KIRREL1: variants seen among roughly 807,000 people sequenced by gnomAD.
The protein encoded by KIRREL1 is kin of IRRE-like protein 1.
Under a neutral mutation model 83.3 loss-of-function variants are expected in KIRREL1, and 25 were observed. The observed-to-expected ratio is 0.30, with a 90% CI of 0.22 to 0.42. The LOEUF is 0.42. KIRREL1 is among the 10% of genes least tolerant of loss of function. KIRREL1 has a pLI of 1.00. For missense variants in KIRREL1, 812 were observed against 1,032.3 expected, an observed-to-expected ratio of 0.79 and a Z score of 2.92; for synonymous variants, 388 against 410.4, an observed-to-expected ratio of 0.95 and a Z score of 0.66.
intron 1 of KIRREL1, among the ~76,000 whole-genome samples, chr1:158,049,530 C>G (rs184079498): frequency 2.0e-5 from 3 of 152,320 alleles, no homozygotes; most frequent in Non-Finnish European, 4.4e-5. Context: ...CGAATTTGAA[C>G]TTCATCTGAA....
chr1:158,063,586 C>G (rs1661275055), intron 1 of KIRREL1, among the ~76,000 whole-genome samples: 1 of 152,204 alleles, frequency 6.6e-6, no homozygotes, highest in South Asian at 2.1e-4. Context: ...TCCAGCTTGC[C>G]CATCCCATCA....
At position 158,088,041 on chromosome 1, in the gene KIRREL1, A is replaced by G. The variant is rs1267182141; in HGVS notation, c.803A>G (p.His268Arg). 6.2e-7 allele frequency: 1 copy of G among 1,614,208 alleles called. No individual in the cohort carries two copies. Residue 268 changes from histidine to arginine, a missense_variant, in exon 7 of 15, where the codon CAC becomes CGC. By Grantham distance (29) the His-to-Arg change is conservative. Around this residue, in one of 3 missense-constraint regions of KIRREL1, gnomAD observed 472 missense variants for 626.8 expected, o/e 0.75. Coordinates refer to ENST00000359209, the MANE Select transcript of KIRREL1 (RefSeq NM_018240.7). ...AKGGFLIEDAHESRYETNVDY... is the reference protein window; with the variant it reads ...AKGGFLIEDARESRYETNVDY... ...GGGGGTTTCTTGATTGAAGACGCCC[A>G]CGAGAGTCGCTATGAGACAAATGTG...
At chr1:158,022,413 G>A (rs900359481) in intron 1 of KIRREL1, among the ~76,000 whole-genome samples, 2 of 152,172 alleles carry the variant, frequency 1.3e-5, no homozygotes, top group Non-Finnish European at 2.9e-5. Flanking sequence ...GATCAGAGAA[G>A]GGATGCAAAC....
At position 158,095,346 on chromosome 1, in the gene KIRREL1, G is replaced by T; in HGVS notation, c.*226G>T. Reference sequence around the variant, plus strand: ...GCCCTTCCCTCTTCTTCGGGAGGATGTGTCTCTTCTGACCTGCACTCTTGC... The same window carrying T: ...GCCCTTCCCTCTTCTTCGGGAGGATTTGTCTCTTCTGACCTGCACTCTTGC... On this transcript the variant is annotated 3_prime_UTR_variant, in exon 15 of 15. Transcript: ENST00000359209. The T allele has an allele frequency of 1.9e-6, 1 of 526,618 alleles. No homozygotes were observed. Among genetic ancestry groups the T allele is most frequent in the African/African-American group, 1.9e-5 (1 of 52,564 alleles). The allele number at this position is 526,618 out of a possible 1,614,324, so 32.6% of individuals were successfully genotyped here. A position where few individuals can be genotyped will look rare whatever the true frequency, so the allele number is the denominator to read the frequency against.
chr1:158,057,780 A>G (rs1308680685), intron 1 of KIRREL1, among the ~76,000 whole-genome samples: 1 of 152,138 alleles, frequency 6.6e-6, no homozygotes, highest in African/African-American at 2.4e-5. Context: ...AATAATATTA[A>G]TTTCCAAGAG....
chr1:158,022,909 T>C (rs903367390), intron 1 of KIRREL1, among the ~76,000 whole-genome samples: 14 of 152,260 alleles, frequency 9.2e-5, no homozygotes, highest in Non-Finnish European at 1.3e-4. Context: ...TCAGTCTGGG[T>C]GCAAATGAAG....
At position 158,097,851 on chromosome 1, in the gene KIRREL1, G is replaced by A. The variant is rs1662392650; in HGVS notation, c.*2731G>A. On this transcript the variant is annotated 3_prime_UTR_variant, in exon 15 of 15. Transcript: ENST00000359209. Reference sequence around the variant, plus strand: ...TAAAGGTCAGGAGACCCAGGACCCAGTCCTGAAGCTGCAAAGGTTAGATCT... The same window carrying A: ...TAAAGGTCAGGAGACCCAGGACCCAATCCTGAAGCTGCAAAGGTTAGATCT... 1.3e-5 allele frequency: 2 copies of A among 152,262 alleles called. No homozygotes were observed. The highest frequency in any genetic ancestry group is 4.8e-5 in the African/African-American group (2 of 41,464). 9.4% of individuals were successfully genotyped at this position (152,262 alleles called of 1,614,324 possible). A position where few individuals can be genotyped will look rare whatever the true frequency, so the allele number is the denominator to read the frequency against.
At chr1:158,000,523 T>C (rs1287275286) in intron 1 of KIRREL1, among the ~76,000 whole-genome samples, 2 of 152,238 alleles carry the variant, frequency 1.3e-5, no homozygotes, top group South Asian at 2.1e-4. Context: ...TATACCTTCC[T>C]ACGTCTGATT....
chr1:158,097,433 G>T lies in KIRREL1; in HGVS notation c.*2313G>T. On this transcript the variant is annotated 3_prime_UTR_variant, in exon 15 of 15. Coordinates refer to ENST00000359209, the MANE Select transcript of KIRREL1 (RefSeq NM_018240.7). ...CTGAAATGATGGAGAGAGGGCCTAA[G>T]GTTACTAGGTAATTGAGCTGATGGT... 1 of 249,494 alleles carries T rather than the reference G, an allele frequency of 4.0e-6. No individual in the cohort carries two copies. Among genetic ancestry groups the T allele is most frequent in the Non-Finnish European group, 7.8e-6 (1 of 128,468 alleles). 15.5% of individuals were successfully genotyped at this position (249,494 alleles called of 1,614,324 possible). A position where few individuals can be genotyped will look rare whatever the true frequency, so the allele number is the denominator to read the frequency against.
chr1:158,002,563 G>A (rs911299635), intron 1 of KIRREL1, among the ~76,000 whole-genome samples: 8 of 152,230 alleles, frequency 5.3e-5, no homozygotes, highest in African/African-American at 1.9e-4. Flanking sequence ...AAATGGCTGT[G>A]CTGGGCCTAG....
In KIRREL1 at chr1:158,089,421, G is replaced by A. The variant is rs755328467; in HGVS notation, c.1045-81G>A. The A allele has an allele frequency of 1.9e-5, 30 of 1,581,508 alleles. No homozygotes were observed. In the Admixed American group the frequency reaches 2.3e-4, roughly 12 times the overall value. On this transcript the variant is annotated intron_variant, in intron 8 of 14. Coordinates refer to ENST00000359209, the MANE Select transcript of KIRREL1 (RefSeq NM_018240.7). ...TTGTGGCCCTTCCTGCTTTCTTTCC[G>A]ATGCCTCCGATGTGGGGCCCTCATG...
chr1:158,043,435 G>A (rs902008786), intron 1 of KIRREL1, among the ~76,000 whole-genome samples: 1 of 152,146 alleles, frequency 6.6e-6, no homozygotes, highest in African/African-American at 2.4e-5. Context: ...CCAACCTGTG[G>A]CCTCCACCCC....
chr1:158,029,237 C>T (rs1660250821), intron 1 of KIRREL1, among the ~76,000 whole-genome samples: 1 of 151,832 alleles, frequency 6.6e-6, no homozygotes, highest in Non-Finnish European at 1.5e-5. Context: ...GAAGGAATAA[C>T]TCTTGCCAAG....
Position 158,030,422 on chromosome 1 carries a change from T to A in KIRREL1, c.52+36694T>A, listed in dbSNP as rs188662832. ...TTTATATCATCACCAGGGTTTTAGCTCTATAGGACTTCTCTGGAGAGCAGT... is the reference window on the plus strand; with the variant it reads ...TTTATATCATCACCAGGGTTTTAGCACTATAGGACTTCTCTGGAGAGCAGT... On this transcript the variant is annotated intron_variant, in intron 1 of 14. Transcript: ENST00000359209. Among the ~76,000 whole-genome samples the A allele has an allele frequency of 2.0e-5, 3 of 152,350 alleles. No homozygotes were observed. The East Asian group carries it at 5.8e-4, about 29-fold the overall frequency.
intron 3 of KIRREL1, among the ~76,000 whole-genome samples, chr1:158,084,174 G>A (rs928222510): frequency 1.3e-5 from 2 of 152,080 alleles, no homozygotes; most frequent in Admixed American, 6.6e-5. Flanking sequence ...GGGGCATGGA[G>A]TACCAGAAAA....
At chr1:158,052,252 C>T (rs991590261) in intron 1 of KIRREL1, among the ~76,000 whole-genome samples, 1 of 152,154 alleles carries the variant, frequency 6.6e-6, no homozygotes, top group East Asian at 1.9e-4. Context: ...GCCCCTGAGC[C>T]CTTGCTAACA....
intron 1 of KIRREL1, among the ~76,000 whole-genome samples, chr1:158,038,327 C>A (rs1288219208): frequency 6.6e-6 from 1 of 152,136 alleles, no homozygotes; most frequent in Non-Finnish European, 1.5e-5. Context: ...GCTCTCACAG[C>A]TGCAGGGGGT....
rs1457017652 is a variant in KIRREL1 at position 157,993,735 on chromosome 1, GC to G, written c.52+12del. 6.1e-6 allele frequency: 9 copies of G among 1,487,378 alleles called. No homozygotes were observed. Among genetic ancestry groups the G allele is most frequent in the South Asian group, 2.6e-5 (2 of 77,368 alleles). 92.1% of individuals were successfully genotyped at this position (1,487,378 alleles called of 1,614,324 possible). A position where few individuals can be genotyped will look rare whatever the true frequency, so the allele number is the denominator to read the frequency against. Reference sequence around the variant, plus strand: ...TCCGATACTTTCTCCCAAGGTAAGGGCCCCCAGCCCACCCCCGGACGCTCGG... The same window carrying G: ...TCCGATACTTTCTCCCAAGGTAAGGGCCCCAGCCCACCCCCGGACGCTCGG... On this transcript the variant is annotated splice_region_variant and intron_variant, in intron 1 of 14. Coordinates refer to ENST00000359209, the MANE Select transcript of KIRREL1 (RefSeq NM_018240.7).
chr1:158,011,760 G>A (rs1225392226), intron 1 of KIRREL1, among the ~76,000 whole-genome samples: 1 of 152,142 alleles, frequency 6.6e-6, no homozygotes, highest in African/African-American at 2.4e-5. Context: ...TTGGTGGGAG[G>A]ACCGGAGGGC....
Sources: allele counts gnomAD v4.1 joint callset (sites outside exome capture counted in the v4.1 genomes callset), GRCh38; gene constraint gnomAD v4.1.1; regional missense constraint gnomAD v4.1.1; transcripts MANE v1.5; gene names NCBI Gene and HGNC (gene_info 2026-07-23, HGNC 2026-07-21).